The following LRRTM4 variants were observed in gnomAD, a reference collection of about 807,000 sequenced individuals.
The protein encoded by LRRTM4 is leucine-rich repeat transmembrane neuronal protein 4.
LRRTM4 carries 25 observed loss-of-function variants against 47.6 expected under a neutral mutation model. The observed-to-expected ratio is 0.53, with a 90% CI of 0.38 to 0.73. The LOEUF is 0.73. Ranked by LOEUF, LRRTM4 falls within the 30% of genes least tolerant of loss-of-function variation. The pLI is 0.00. For synonymous variants in LRRTM4, 311 were observed against 269.5 expected (o/e 1.15, Z -1.51); for missense variants, 638 against 713.4 (o/e 0.89, Z 1.20).
chr2:76,764,015 C>G (rs1000671078), intron 3 of LRRTM4, among the ~76,000 whole-genome samples: 5 of 152,104 alleles, frequency 3.3e-5, no homozygotes, highest in Admixed American at 3.3e-4. Context: ...TCACTGGAGT[C>G]TTTGTAAAAA....
intron 3 of LRRTM4, among the ~76,000 whole-genome samples, chr2:77,070,285 G>C (rs142672455): frequency 6.9e-4 from 105 of 152,156 alleles, no homozygotes; most frequent in African/African-American, 2.4e-3. Context: ...CATGACTTTG[G>C]TTAGTTTCAA....
chr2:77,282,248 T>C (rs1200026939), intron 3 of LRRTM4, among the ~76,000 whole-genome samples: 1 of 151,886 alleles, frequency 6.6e-6, no homozygotes, highest in East Asian at 1.9e-4. Flanking sequence ...TTCAATTTTA[T>C]TGGTGTATAA....
chr2:76,810,372 T>C (rs1670697819), intron 3 of LRRTM4, among the ~76,000 whole-genome samples: 1 of 152,200 alleles, frequency 6.6e-6, no homozygotes, highest in Admixed American at 6.5e-5. Flanking sequence ...GAATATAACC[T>C]AATTTCACCA....
At chr2:77,283,662 CT>C (rs756843836) in intron 3 of LRRTM4, among the ~76,000 whole-genome samples, 82 of 152,174 alleles carry the variant, frequency 5.4e-4, no homozygotes, top group Admixed American at 1.8e-3. Context: ...GAAATCGTAT[CT>C]TTTGCAACAA....
At chr2:76,862,997 G>T (rs1004557895) in intron 3 of LRRTM4, among the ~76,000 whole-genome samples, 1 of 152,106 alleles carries the variant, frequency 6.6e-6, no homozygotes, top group African/African-American at 2.4e-5. Context: ...TGTCAGGATG[G>T]AATTTAAAAG....
chr2:77,293,435 A>C (rs1181544485), intron 3 of LRRTM4, among the ~76,000 whole-genome samples: 1 of 152,144 alleles, frequency 6.6e-6, no homozygotes, highest in Non-Finnish European at 1.5e-5. Context: ...GTTTTTCCAG[A>C]AATCCCTATA....
intron 3 of LRRTM4, among the ~76,000 whole-genome samples, chr2:77,078,910 T>A (rs768668020): frequency 6.6e-6 from 1 of 152,186 alleles, no homozygotes; most frequent in African/African-American, 2.4e-5. Flanking sequence ...ATTCTGTTTC[T>A]GGTGAGGACT....
chr2:76,877,596 A>G (rs1320127248), intron 3 of LRRTM4, among the ~76,000 whole-genome samples: 1 of 152,162 alleles, frequency 6.6e-6, no homozygotes, highest in Non-Finnish European at 1.5e-5. Flanking sequence ...GAATTTAATT[A>G]TTTCGGTTTA....
At chr2:76,753,304 A>G (rs542278180) in intron 3 of LRRTM4, among the ~76,000 whole-genome samples, 1 of 152,286 alleles carries the variant, frequency 6.6e-6, no homozygotes, top group Admixed American at 6.5e-5. Context: ...CAAAGAAGGA[A>G]TACACTGAAG....
At chr2:76,887,726 G>T (rs2104138175) in intron 3 of LRRTM4, among the ~76,000 whole-genome samples, 1 of 138,056 alleles carries the variant, frequency 7.2e-6, no homozygotes, top group African/African-American at 2.7e-5. Flanking sequence ...ATTTTAAAAT[G>T]AGTATATATT....
intron 3 of LRRTM4, among the ~76,000 whole-genome samples, chr2:77,159,825 T>C (rs941268028): frequency 2.6e-5 from 4 of 152,186 alleles, no homozygotes; most frequent in African/African-American, 9.7e-5. Flanking sequence ...AATGTTTCTG[T>C]ATGGTAACAA....
At chr2:76,768,360 T>G (rs563913056) in intron 3 of LRRTM4, among the ~76,000 whole-genome samples, 2 of 151,578 alleles carry the variant, frequency 1.3e-5, no homozygotes, top group African/African-American at 4.8e-5. Context: ...CTGTGATAAA[T>G]TGATGCATTG....
chr2:77,291,440 A>T (rs1439557108), intron 3 of LRRTM4, among the ~76,000 whole-genome samples: 1 of 152,102 alleles, frequency 6.6e-6, no homozygotes, highest in East Asian at 1.9e-4. Context: ...AGCACATTTC[A>T]AAACTTAAGA....
In LRRTM4 at chr2:77,285,436, A is replaced by T. The variant is rs183415088; in HGVS notation, c.1551+232882T>A. On this transcript the variant is annotated intron_variant, in intron 3 of 3. Transcript: ENST00000409884. ...AAATATTAGAGAAATCCCATAACAAAGAGAAATACTAAAAATAGATCCTGG... is the reference window on the plus strand; with the variant it reads ...AAATATTAGAGAAATCCCATAACAATGAGAAATACTAAAAATAGATCCTGG... 1.7e-3 allele frequency among the ~76,000 whole-genome samples: 259 copies of T among 149,564 alleles called. 4 individuals carry two copies. Among genetic ancestry groups the T allele is most frequent in the Non-Finnish European group, 1.6e-4 (11 of 67,484 alleles).
chr2:76,827,317 T>G (rs957336977), intron 3 of LRRTM4, among the ~76,000 whole-genome samples: 8 of 151,784 alleles, frequency 5.3e-5, no homozygotes, highest in African/African-American at 1.9e-4. Context: ...AGAGAAAGAT[T>G]TGGGGTCTTT....
At chr2:77,471,912 C>G (rs1677203459) in intron 3 of LRRTM4, among the ~76,000 whole-genome samples, 1 of 152,098 alleles carries the variant, frequency 6.6e-6, no homozygotes, top group African/African-American at 2.4e-5. Context: ...ACAACTTTGC[C>G]TACTCACTGA....
rs187978485 is a variant in LRRTM4, at chr2:77,108,324, A to C, written c.1552-359408T>G. ...AAGGAGAAGGAGTAGAAGGAGAACG[A>C]GAACAAGAAGAAGTCATTGTATTAT... On this transcript the variant is annotated intron_variant, in intron 3 of 3. Transcript: ENST00000409884. 5.6e-3 allele frequency among the ~76,000 whole-genome samples: 848 copies of C among 152,220 alleles called. 10 individuals carry two copies. The highest frequency in any genetic ancestry group is 0.02 in the African/African-American group (811 of 41,566).
chr2:77,352,205 A>C (rs1230590561), intron 3 of LRRTM4, among the ~76,000 whole-genome samples: 1 of 152,156 alleles, frequency 6.6e-6, no homozygotes, highest in East Asian at 1.9e-4. Flanking sequence ...TTATTGAATA[A>C]GAGTTTAAAG....
intron 3 of LRRTM4, among the ~76,000 whole-genome samples, chr2:77,126,214 T>C (rs571004945): frequency 6.6e-6 from 1 of 152,182 alleles, no homozygotes; most frequent in South Asian, 2.1e-4. Context: ...TATTGTTTAT[T>C]TAAAACTTGA....
Sources: gnomAD v4.1 joint callset for allele counts (sites outside exome capture counted in the v4.1 genomes callset) on GRCh38, gnomAD v4.1.1 for gene constraint, MANE v1.5 for transcripts, NCBI Gene and HGNC (gene_info 2026-07-23, HGNC 2026-07-21) for gene names.